ZNF346: variants seen among roughly 807,000 people sequenced by gnomAD.
ZNF346 encodes zinc finger protein 346.
A neutral mutation model predicts 33.7 loss-of-function variants in ZNF346; 23 were observed. The ratio of observed to expected loss-of-function variants is 0.68; its 90% CI spans 0.49 to 0.97. The LOEUF (loss-of-function observed/expected upper bound fraction) is 0.97. Ranked by LOEUF, ZNF346 falls within the 50% of genes least tolerant of loss-of-function variation. The pLI is 0.00. For missense variants in ZNF346, 340 were observed against 371.1 expected (o/e 0.92, Z 0.69); for synonymous variants, 134 against 142.4 (o/e 0.94, Z 0.42).
intron 1 of ZNF346, among the ~76,000 whole-genome samples, chr5:177,028,448 T>G (rs1777138661): frequency 6.8e-6 from 1 of 147,122 alleles, no homozygotes; most frequent in Non-Finnish European, 1.5e-5. Flanking sequence ...TCTTTTCTGA[T>G]GTAGATGTTT....
At chr5:177,042,275 A>C (rs1779428680) in intron 3 of ZNF346, 1 of 157,014 alleles carries the variant, frequency 6.4e-6, no homozygotes, top group Non-Finnish European at 1.4e-5. Context: ...TGTTTTGCAT[A>C]AATAAGCAGA....
chr5:177,031,046 T>G (rs1480357729), intron 1 of ZNF346, among the ~76,000 whole-genome samples: 1 of 151,940 alleles, frequency 6.6e-6, no homozygotes, highest in African/African-American at 2.4e-5. Flanking sequence ...TCTGTTTTAT[T>G]TTGTTTTGAG....
intron 1 of ZNF346, among the ~76,000 whole-genome samples, chr5:177,036,966 G>T (rs1349559524): frequency 6.6e-6 from 1 of 151,386 alleles, no homozygotes; most frequent in African/African-American, 2.4e-5. Flanking sequence ...TCCCCATCTG[G>T]GGAAAAAAAA....
intron 6 of ZNF346, 28 bp from the exon 7 acceptor site, chr5:177,064,484 C>T: frequency 1.3e-6 from 2 of 1,589,322 alleles, no homozygotes; most frequent in Non-Finnish European, 8.6e-7. Context: ...CACACTGACC[C>T]TCTTCCTTTG....
rs184434872 is a variant in ZNF346 at position 177,074,432 on chromosome 5, A to G, written c.*3-4950A>G. 5.1e-3 allele frequency among the ~76,000 whole-genome samples: 776 copies of G among 152,316 alleles called. 5 individuals carry two copies. In the Middle Eastern group the frequency reaches 0.078, roughly 15 times the overall value. On this transcript the variant is annotated intron_variant, in intron 8 of 8. Transcript: ENST00000503039. The stretch of plus-strand genomic sequence containing the variant: ...GAGCACCTGTCATAGAGAAGAAGAC[A>G]GAAGAGAGAATGAGTTTTGACCATA...
intron 5 of ZNF346, among the ~76,000 whole-genome samples, chr5:177,061,130 G>A (rs114632716): frequency 0.013 from 1,979 of 150,420 alleles, 45 homozygotes; most frequent in African/African-American, 0.046. Flanking sequence ...AAGTTGCGGT[G>A]TAATTGGTTT....
chr5:177,066,086 T>C lies in ZNF346; in HGVS notation c.*1487T>C, dbSNP rs527751937. ...CCTCAGTAGTCCCCAGTAGTCACTT[T>C]AGGAGTTGGGACAGAGTCGAGCACC... On this transcript the variant is annotated 3_prime_UTR_variant, in exon 7 of 7. Coordinates refer to ENST00000358149, the MANE Select transcript of ZNF346 (RefSeq NM_012279.4). 6.7e-5 allele frequency: 10 copies of C among 148,156 alleles called. No individual in the cohort carries two copies. Among genetic ancestry groups the C allele is most frequent in the Non-Finnish European group, 1.3e-4 (9 of 67,280 alleles). The allele number at this position is 148,156 out of a possible 1,614,324, so 9.2% of individuals were successfully genotyped here. A position where few individuals can be genotyped will look rare whatever the true frequency, so the allele number is the denominator to read the frequency against.
downstream of ZNF346, among the ~76,000 whole-genome samples, chr5:177,070,949 G>A (rs980287674): frequency 3.3e-5 from 5 of 152,196 alleles, no homozygotes; most frequent in African/African-American, 1.2e-4. Flanking sequence ...AATCATGCAT[G>A]AAATGGAACC....
In ZNF346 at chr5:177,066,389, T is replaced by G. The variant is rs1461135787; in HGVS notation, c.*1790T>G. ...TAGGGCAGAGACCCAGCCTTATTCA[T>G]CTCTACTTCCTGATGTCCATAGTGG... On this transcript the variant is annotated 3_prime_UTR_variant, in exon 7 of 7. Transcript: ENST00000358149. Among the ~76,000 whole-genome samples the G allele has an allele frequency of 1.3e-5, 2 of 152,104 alleles. No individual in the cohort carries two copies. The highest frequency in any genetic ancestry group is 4.8e-5 in the African/African-American group (2 of 41,424).
At chr5:177,037,015 AGTT>A (rs1778604831) in intron 1 of ZNF346, among the ~76,000 whole-genome samples, 1 of 152,020 alleles carries the variant, frequency 6.6e-6, no homozygotes, top group African/African-American at 2.4e-5. Context: ...GAAGTTCAGC[AGTT>A]TTGCAAGCAC....
intron 4 of ZNF346, among the ~76,000 whole-genome samples, chr5:177,046,402 C>T (rs1248576800): frequency 6.6e-6 from 1 of 151,658 alleles, no homozygotes; most frequent in Non-Finnish European, 1.5e-5. Context: ...ATTTCATACT[C>T]GAGATTATTT....
At chr5:177,027,975 T>C (rs887240120) in intron 1 of ZNF346, among the ~76,000 whole-genome samples, 1 of 150,680 alleles carries the variant, frequency 6.6e-6, no homozygotes, top group African/African-American at 2.4e-5. Flanking sequence ...TGGAAAGGTA[T>C]TTGATTATTC....
At chr5:177,030,002 A>C (rs1777431496) in intron 1 of ZNF346, among the ~76,000 whole-genome samples, 1 of 152,144 alleles carries the variant, frequency 6.6e-6, no homozygotes, top group Non-Finnish European at 1.5e-5. Flanking sequence ...TCCACTGCAG[A>C]ATTGAGTGCT....
In ZNF346 at chr5:177,066,089, G is replaced by A. The variant is rs939798439; in HGVS notation, c.*1490G>A. 53 of 148,056 alleles carry A rather than the reference G, an allele frequency of 3.6e-4. No individual in the cohort carries two copies. Among genetic ancestry groups the A allele is most frequent in the African/African-American group, 1.3e-3 (51 of 39,676 alleles). The allele number at this position is 148,056 out of a possible 1,614,324, so 9.2% of individuals were successfully genotyped here. ...CAGTAGTCCCCAGTAGTCACTTTAG[G>A]AGTTGGGACAGAGTCGAGCACCCTG... On this transcript the variant is annotated 3_prime_UTR_variant, in exon 7 of 7. Coordinates refer to ENST00000358149, the MANE Select transcript of ZNF346 (RefSeq NM_012279.4).
intron 5 of ZNF346, among the ~76,000 whole-genome samples, chr5:177,057,051 C>T (rs970490106): frequency 1.3e-5 from 2 of 152,198 alleles, no homozygotes; most frequent in African/African-American, 2.4e-5. Flanking sequence ...TGGCTCACGC[C>T]TGTAATCTCA....
At chr5:177,054,143 G>A (rs6878050) in intron 5 of ZNF346, among the ~76,000 whole-genome samples, 19,905 of 150,556 alleles carry the variant, frequency 0.13, 1,670 homozygotes, top group East Asian at 0.19. Flanking sequence ...CACAATTATG[G>A]CTCACTGCAG....
intron 5 of ZNF346, among the ~76,000 whole-genome samples, chr5:177,057,891 G>A (rs1178620220): frequency 6.6e-6 from 1 of 150,648 alleles, no homozygotes; most frequent in Non-Finnish European, 1.5e-5. Flanking sequence ...GCGCAATCTC[G>A]GCTTACTGCA....
At chr5:177,026,494 G>A (rs1332101785) in intron 1 of ZNF346, among the ~76,000 whole-genome samples, 1 of 151,384 alleles carries the variant, frequency 6.6e-6, no homozygotes, top group Admixed American at 6.6e-5. Context: ...TGAGTAGCTG[G>A]GATTACAGGA....
downstream of ZNF346, among the ~76,000 whole-genome samples, chr5:177,070,197 C>T (rs976469080): frequency 2.6e-5 from 4 of 152,174 alleles, no homozygotes; most frequent in Admixed American, 6.5e-5. Flanking sequence ...AGCAGCTCCA[C>T]GTCTTGGTTA....
Sources: allele counts gnomAD v4.1 joint callset (sites outside exome capture counted in the v4.1 genomes callset), GRCh38; gene constraint gnomAD v4.1.1; transcripts MANE v1.5; gene names NCBI Gene and HGNC (gene_info 2026-07-23, HGNC 2026-07-21).